The following PLA2R1 variants were observed in gnomAD, a reference collection of about 807,000 sequenced individuals.
PLA2R1 encodes phospholipase A2 receptor 1, also known as secretory phospholipase A2 receptor.
A neutral mutation model predicts 195.9 loss-of-function variants in PLA2R1; 158 were observed. The observed-to-expected ratio is 0.81, with a 90% CI of 0.71 to 0.92. PLA2R1 has a LOEUF of 0.92. Ranked by LOEUF, PLA2R1 falls within the 40% of genes least tolerant of loss-of-function variation. The pLI, the probability that PLA2R1 is intolerant of heterozygous loss-of-function variation, is 0.00. For missense variants in PLA2R1, 1,626 were observed against 1,764.6 expected (o/e 0.92, Z 1.41); for synonymous variants, 586 against 598.2 (o/e 0.98, Z 0.30).
intron 10 of PLA2R1, among the ~76,000 whole-genome samples, chr2:160,007,844 C>T (rs1314956309): frequency 6.6e-6 from 1 of 152,080 alleles, no homozygotes; most frequent in Non-Finnish European, 1.5e-5. Flanking sequence ...CAATGCAATC[C>T]CTATCAAAAT....
intron 1 of PLA2R1, among the ~76,000 whole-genome samples, chr2:160,059,240 G>A (rs1445815483): frequency 6.6e-6 from 1 of 152,218 alleles, no homozygotes; most frequent in Admixed American, 6.5e-5. Flanking sequence ...CTTCTGTTGT[G>A]TGGCCCAGTT....
chr2:159,930,205 G>C (rs1049268225), downstream of PLA2R1, among the ~76,000 whole-genome samples: 1 of 152,070 alleles, frequency 6.6e-6, no homozygotes, highest in Non-Finnish European at 1.5e-5. Flanking sequence ...TCAGGAGATC[G>C]AGGCCATCCT....
At chr2:160,029,200 T>C (rs1291634984) in intron 4 of PLA2R1, among the ~76,000 whole-genome samples, 1 of 152,162 alleles carries the variant, frequency 6.6e-6, no homozygotes, top group Non-Finnish European at 1.5e-5. Flanking sequence ...CCCAGAAAGG[T>C]TGCCTTTCAG....
chr2:159,959,677 T>C (rs776535170), intron 20 of PLA2R1, among the ~76,000 whole-genome samples: 2 of 152,156 alleles, frequency 1.3e-5, no homozygotes, highest in African/African-American at 2.4e-5. Context: ...CCAAACTTGG[T>C]CCTTTCCCAG....
In PLA2R1 at chr2:159,983,955, T is replaced by G. The variant is rs770797972; in HGVS notation, c.2156A>C (p.Asn719Thr). 2 of 1,589,420 alleles carry G rather than the reference T, an allele frequency of 1.3e-6. No homozygotes were observed. The highest frequency in any genetic ancestry group is 1.7e-6 in the Non-Finnish European group (2 of 1,160,822). ...ATTAAATTTTGAATGTAAGAGCTCA[T>G]TCACAAAATTCTCTTCCTCAATATG... is the stretch of plus-strand genomic sequence containing the variant. ...FAHIEEENFV[N>T]ELLHSKFNWT... is the part of the protein sequence containing the mutation. Residue 719 changes from asparagine (N) to threonine (T), a missense_variant, in exon 13 of 30, where the codon AAT becomes ACT. Coordinates refer to ENST00000283243, the MANE Select transcript of PLA2R1 (RefSeq NM_007366.5).
In PLA2R1 at chr2:159,941,671, C is replaced by A; in HGVS notation, c.*107G>T. The A allele has an allele frequency of 1.6e-6, 1 of 626,256 alleles. No individual in the cohort carries two copies. The highest frequency in any genetic ancestry group is 2.8e-6 in the Non-Finnish European group (1 of 351,892). The allele number at this position is 626,256 out of a possible 1,614,324, so 38.8% of individuals were successfully genotyped here. On this transcript the variant is annotated 3_prime_UTR_variant, in exon 30 of 30. Transcript: ENST00000283243. ...TTCAAGAATAATTAAAATAGTGACC[C>A]AATTCACATTCTAATGGCATCTGTG...
Position 160,033,114 on chromosome 2 carries a change from C to T in PLA2R1, c.686G>A (p.Cys229Tyr), listed in dbSNP as rs751046209. ...CPDPTSAEVG[C>Y]DTIWEKDLNS... ...GAGGTCCTTCTCCCAAATAGTATCA[C>T]AACCTACTTCTGCAGAGGCTGGAAA... is the stretch of plus-strand genomic sequence containing the variant. The change falls in exon 4 of 30, where the codon TGT becomes TAT. Residue 229 changes from cysteine to tyrosine, a missense_variant. Coordinates refer to ENST00000283243, the MANE Select transcript of PLA2R1 (RefSeq NM_007366.5). 1.9e-6 allele frequency: 3 copies of T among 1,611,548 alleles called. No homozygotes were observed. In the East Asian group the frequency reaches 6.7e-5, roughly 36 times the overall value.
chr2:159,951,210 ATTT>A lies in PLA2R1; in HGVS notation c.3540+127_3540+129del, dbSNP rs1418663585. 3 of 637,936 alleles carry A rather than the reference ATTT, an allele frequency of 4.7e-6. No individual in the cohort carries two copies. In the East Asian group the frequency reaches 8.2e-5, roughly 17 times the overall value. The allele number at this position is 637,936 out of a possible 1,614,324, so 39.5% of individuals were successfully genotyped here. Reference sequence around the variant, plus strand: ...GGTCAGGTAATTGCATAAACCAATTATTTAAGTGTTATATTTATTAATATTTTT... The same window carrying A: ...GGTCAGGTAATTGCATAAACCAATTAAAGTGTTATATTTATTAATATTTTT... On this transcript the variant is annotated intron_variant, in intron 24 of 29. Coordinates refer to ENST00000283243, the MANE Select transcript of PLA2R1 (RefSeq NM_007366.5).
chr2:159,926,895 C>T, the PLA2R1 span, among the ~76,000 whole-genome samples: 1 of 152,098 alleles, frequency 6.6e-6, no homozygotes, highest in East Asian at 1.9e-4. Context: ...ACCAGCACTG[C>T]GTCCCCGGTG....
At chr2:159,987,494 A>G in intron 11 of PLA2R1, 136 bp from the exon 12 acceptor site, 1 of 635,488 alleles carries the variant, frequency 1.6e-6, no homozygotes, top group Non-Finnish European at 2.8e-6. Flanking sequence ...ATGAAAACGA[A>G]TGTCTTATTG....
chr2:160,044,681 G>T, intron 2 of PLA2R1, 93 bp downstream of exon 2: 1 of 1,093,548 alleles, frequency 9.1e-7, no homozygotes, highest in Non-Finnish European at 1.3e-6. Flanking sequence ...CAGGCTTCGT[G>T]TACTTCTTTC....
intron 1 of PLA2R1, among the ~76,000 whole-genome samples, chr2:160,050,593 C>A (rs1416586746): frequency 6.6e-6 from 1 of 152,140 alleles, no homozygotes; most frequent in Non-Finnish European, 1.5e-5. Flanking sequence ...AAGTAGGTGA[C>A]TTGAAATTTC....
chr2:160,046,852 G>A (rs1165484471), intron 1 of PLA2R1, among the ~76,000 whole-genome samples: 6 of 152,094 alleles, frequency 3.9e-5, no homozygotes, highest in South Asian at 2.1e-4. Flanking sequence ...TCCACCTCTC[G>A]TCAATGTGAT....
chr2:159,954,326 A>C (rs1300914284), intron 23 of PLA2R1, among the ~76,000 whole-genome samples: 2 of 151,258 alleles, frequency 1.3e-5, no homozygotes, highest in Non-Finnish European at 2.9e-5. Context: ...TGCTGTTCCC[A>C]TATTACTCTT....
rs905600118 is a variant in PLA2R1, at chr2:160,062,439, C to T, written c.-36G>A. Reference sequence around the variant, plus strand: ...TGGGCTCTCCGGGAGCCCCTTGTCCCGGGAGCCCCTTATCCCGGGAGCCCA... The same window carrying T: ...TGGGCTCTCCGGGAGCCCCTTGTCCTGGGAGCCCCTTATCCCGGGAGCCCA... On this transcript the variant is annotated 5_prime_UTR_variant, in exon 1 of 30. Transcript: ENST00000283243. 3 of 1,515,314 alleles carry T rather than the reference C, an allele frequency of 2.0e-6. No homozygotes were observed. In the African/African-American group the frequency reaches 4.4e-5, roughly 22 times the overall value. The allele number at this position is 1,515,314 out of a possible 1,614,324, so 93.9% of individuals were successfully genotyped here.
the PLA2R1 span, among the ~76,000 whole-genome samples, chr2:159,924,521 A>G: frequency 6.6e-6 from 1 of 152,216 alleles, no homozygotes; most frequent in African/African-American, 2.4e-5. Flanking sequence ...TTCAAAGATG[A>G]AAGCAGCCAA....
intron 10 of PLA2R1, among the ~76,000 whole-genome samples, chr2:160,012,616 T>C (rs574316394): frequency 3.9e-5 from 4 of 103,606 alleles, no homozygotes; most frequent in Admixed American, 3.3e-4. Flanking sequence ...AAATACTTGT[T>C]AAATAATGTG....
At chr2:159,963,392 G>A (rs765670298) in intron 20 of PLA2R1, among the ~76,000 whole-genome samples, 3 of 152,074 alleles carry the variant, frequency 2.0e-5, no homozygotes, top group Admixed American at 1.3e-4. Flanking sequence ...AGATAACTGG[G>A]TTTCATCAAA....
At chr2:160,028,429 G>T in intron 5 of PLA2R1, 68 bp from the exon 6 acceptor site, 2 of 1,117,638 alleles carry the variant, frequency 1.8e-6, no homozygotes, top group Non-Finnish European at 2.7e-6. Flanking sequence ...ATTGAAATGT[G>T]GTTTTCAGCA....
Sources: allele counts gnomAD v4.1 joint callset (sites outside exome capture counted in the v4.1 genomes callset), GRCh38; gene constraint gnomAD v4.1.1; transcripts MANE v1.5; gene names NCBI Gene and HGNC (gene_info 2026-07-23, HGNC 2026-07-21).